ART3: variants seen among roughly 807,000 people sequenced by gnomAD.
ART3 encodes ecto-ADP-ribosyltransferase 3.
Under a neutral mutation model 48.5 loss-of-function variants are expected in ART3, and 49 were observed. The observed-to-expected ratio is 1.01, with a 90% CI of 0.80 to 1.28. The LOEUF (loss-of-function observed/expected upper bound fraction) is 1.28, where lower values mean the gene tolerates loss of function less well. ART3 is among the 50% of genes most tolerant of loss of function. The pLI, the probability that ART3 is intolerant of heterozygous loss-of-function variation, is 0.00. For synonymous variants in ART3, 145 were observed against 157.2 expected, an observed-to-expected ratio of 0.92 and a Z score of 0.58; for missense variants, 438 against 454.3, an observed-to-expected ratio of 0.96 and a Z score of 0.33.
Position 76,082,198 on chromosome 4 carries a change from G to A in ART3, c.444G>A (p.Leu148=). 1 of 1,614,182 alleles carries A rather than the reference G, an allele frequency of 6.2e-7. No individual in the cohort carries two copies. The highest frequency in any genetic ancestry group is 2.2e-5 in the East Asian group (1 of 44,880). Reference sequence around the variant, plus strand: ...TTTACCTCACAAGAGCCCTGCAGTTGCTGAGAAAACCTTGTGAGGCCAGTT... The same window carrying A: ...TTTACCTCACAAGAGCCCTGCAGTTACTGAGAAAACCTTGTGAGGCCAGTT... ...FHFYLTRALQ[L]LRKPCEASSK... is the part of the protein sequence containing the mutation. The change falls in exon 3 of 12, where the codon TTG becomes TTA. Residue 148 remains leucine (L), a synonymous_variant. Transcript: ENST00000355810.
At chr4:76,098,648 A>G (rs1184169755) in intron 4 of ART3, among the ~76,000 whole-genome samples, 1 of 152,092 alleles carries the variant, frequency 6.6e-6, no homozygotes. Context: ...AATCCTAGCT[A>G]CTTGGGCGGC....
chr4:76,060,915 C>T (rs7664354), intron 1 of ART3, among the ~76,000 whole-genome samples: 89,183 of 152,092 alleles, frequency 0.59, 27,008 homozygotes, highest in East Asian at 0.94. Context: ...GCTAACAACC[C>T]GAATGAGCAA....
intron 1 of ART3, among the ~76,000 whole-genome samples, chr4:76,012,858 A>G (rs1182003164): frequency 1.6e-4 from 25 of 152,214 alleles, no homozygotes; most frequent in Non-Finnish European, 3.7e-4. Flanking sequence ...AAATATCCAT[A>G]CTTATTTAAA....
At position 76,102,922 on chromosome 4, in the gene ART3, C is replaced by CTAA. The variant is rs1178275383; in HGVS notation, c.938-1015_938-1014insTAA. ...TAAAAAACGAACAAGAGGTGCTTAA[C>CTAA]CTAGGAGAGATTCTGGGTCACTAGC... is the stretch of plus-strand genomic sequence containing the variant. On this transcript the variant is annotated intron_variant, in intron 8 of 11. Transcript: ENST00000355810. 2.0e-5 allele frequency among the ~76,000 whole-genome samples: 3 copies of CTAA among 152,064 alleles called. 1 individual carries two copies. Among genetic ancestry groups the CTAA allele is most frequent in the Non-Finnish European group, 4.4e-5 (3 of 68,026 alleles).
chr4:76,105,459 T>C, intron 10 of ART3: 1 of 1,265,724 alleles, frequency 7.9e-7, no homozygotes, highest in Non-Finnish European at 1.0e-6. Context: ...AAATGAATGG[T>C]GGTAACATAG....
chr4:76,063,823 A>G (rs1254570335), intron 1 of ART3, among the ~76,000 whole-genome samples: 2 of 152,222 alleles, frequency 1.3e-5, no homozygotes, highest in Admixed American at 6.5e-5. Context: ...AGTTTCATGT[A>G]TTATACAAAG....
intron 1 of ART3, among the ~76,000 whole-genome samples, chr4:76,020,491 G>C (rs1732696847): frequency 6.6e-6 from 1 of 152,140 alleles, no homozygotes; most frequent in Non-Finnish European, 1.5e-5. Context: ...TTCTTAGTAA[G>C]TAATTGGATG....
At chr4:76,020,272 T>A (rs183733385) in intron 1 of ART3, among the ~76,000 whole-genome samples, 69 of 151,948 alleles carry the variant, frequency 4.5e-4, no homozygotes, top group African/African-American at 1.0e-3. Context: ...AAAAATATAT[T>A]TTTTTTGGTA....
chr4:76,100,997 A>G lies in ART3; in HGVS notation c.915A>G (p.Lys305=). 2.5e-6 allele frequency: 4 copies of G among 1,613,758 alleles called. No homozygotes were observed. The highest frequency in any genetic ancestry group is 3.4e-6 in the Non-Finnish European group (4 of 1,179,912). The change falls in exon 8 of 12, where the codon AAA becomes AAG. Residue 305 remains lysine, a synonymous_variant. Transcript: ENST00000355810. The part of the protein sequence containing the change: ...KNWKLEDHGE[K]NQKLEDHGVK... The stretch of plus-strand genomic sequence containing the variant: ...CTTCTTTTTGTAACTCAGGTGAGAA[A>G]AACCAGAAGCTTGAAGACCATGGTA...
chr4:76,059,578 A>G (rs886865704), intron 1 of ART3, among the ~76,000 whole-genome samples: 2 of 152,018 alleles, frequency 1.3e-5, no homozygotes, highest in African/African-American at 4.8e-5. Context: ...CTTTTTTCTT[A>G]AATATGTTCT....
intron 1 of ART3, among the ~76,000 whole-genome samples, chr4:76,035,562 G>T (rs912096852): frequency 2.6e-5 from 4 of 152,216 alleles, no homozygotes; most frequent in African/African-American, 9.7e-5. Context: ...GAAGCATGAA[G>T]GAAGTTTATT....
At chr4:76,060,626 C>T (rs899754595) in intron 1 of ART3, among the ~76,000 whole-genome samples, 1 of 152,082 alleles carries the variant, frequency 6.6e-6, no homozygotes, top group Non-Finnish European at 1.5e-5. Context: ...TATTATGGAC[C>T]TCAAAATACA....
In ART3 at chr4:76,042,266, C is replaced by G. The variant is rs148335742; in HGVS notation, c.-10+30946C>G. ...AAATAATTTCCAACTCACCATTCACCAGGTCTCTGAATAATATATTGCCTG... is the reference window on the plus strand; with the variant it reads ...AAATAATTTCCAACTCACCATTCACGAGGTCTCTGAATAATATATTGCCTG... On this transcript the variant is annotated intron_variant, in intron 1 of 9. Coordinates refer to the ART3 transcript ENST00000341029. Among the ~76,000 whole-genome samples the G allele has an allele frequency of 4.3e-4, 65 of 152,196 alleles. 1 individual carries two copies. The highest frequency in any genetic ancestry group is 1.5e-3 in the African/African-American group (61 of 41,518).
Position 76,056,068 on chromosome 4 carries a change from C to G in ART3, c.-9-19813C>G, listed in dbSNP as rs116193038. 5.8e-3 allele frequency among the ~76,000 whole-genome samples: 887 copies of G among 152,300 alleles called. 21 individuals carry two copies. The highest frequency in any genetic ancestry group is 0.02 in the African/African-American group (838 of 41,558). On this transcript the variant is annotated intron_variant, in intron 1 of 9. Coordinates refer to the ART3 transcript ENST00000341029. ...GACCTTCCAGAGGAAACAGAAAGGA[C>G]AGAGAAGGAGGCAACGAAACTACTT...
chr4:76,037,355 A>G (rs563907186), intron 1 of ART3, among the ~76,000 whole-genome samples: 4 of 152,296 alleles, frequency 2.6e-5, no homozygotes, highest in African/African-American at 9.6e-5. Flanking sequence ...TTAATAAAAT[A>G]TATTTACTGT....
chr4:76,024,671 A>C (rs1353000912), intron 1 of ART3, among the ~76,000 whole-genome samples: 1 of 152,236 alleles, frequency 6.6e-6, no homozygotes, highest in Non-Finnish European at 1.5e-5. Flanking sequence ...AGGGAATCCA[A>C]GATGAAATAC....
chr4:76,110,934 C>A (rs1035972169), intron 11 of ART3, among the ~76,000 whole-genome samples: 1 of 149,072 alleles, frequency 6.7e-6, no homozygotes, highest in South Asian at 2.1e-4. Flanking sequence ...ATACACAAAT[C>A]TATTGTAAAA....
At chr4:76,069,101 A>G (rs965813041) in intron 1 of ART3, among the ~76,000 whole-genome samples, 1 of 151,982 alleles carries the variant, frequency 6.6e-6, no homozygotes, top group Non-Finnish European at 1.5e-5. Context: ...CTGTATGATA[A>G]TAGTTAACAT....
At chr4:76,067,452 C>G (rs1371898210) in intron 1 of ART3, among the ~76,000 whole-genome samples, 1 of 97,314 alleles carries the variant, frequency 1.0e-5, no homozygotes, top group African/African-American at 5.1e-5. Context: ...ATTTAGCAAA[C>G]ATTTTCCCAA....
Sources: allele counts gnomAD v4.1 joint callset (sites outside exome capture counted in the v4.1 genomes callset), GRCh38; gene constraint gnomAD v4.1.1; transcripts MANE v1.5; gene names NCBI Gene and HGNC (gene_info 2026-07-23, HGNC 2026-07-21).